The following FRRS1 variants were observed in gnomAD, a reference collection of about 807,000 sequenced individuals.
The protein encoded by FRRS1 is ferric chelate reductase 1, also known as ferric reductase 1.
A neutral mutation model predicts 70.7 loss-of-function variants in FRRS1; 51 were observed. That is an observed-to-expected ratio of 0.72 (90% CI 0.58 to 0.91). The LOEUF (loss-of-function observed/expected upper bound fraction) is 0.91. FRRS1 is among the 40% of genes least tolerant of loss of function. The pLI, the probability that FRRS1 is intolerant of heterozygous loss-of-function variation, is 0.00. For missense variants in FRRS1, 672 were observed against 726.0 expected, an observed-to-expected ratio of 0.93 and a Z score of 0.86; for synonymous variants, 225 against 238.7, an observed-to-expected ratio of 0.94 and a Z score of 0.53.
intron 6 of FRRS1, among the ~76,000 whole-genome samples, chr1:99,738,866 T>C (rs981944798): frequency 6.6e-6 from 1 of 151,990 alleles, no homozygotes; most frequent in Non-Finnish European, 1.5e-5. Context: ...GGGGGAGAAA[T>C]AAGCAACAAT....
chr1:99,734,785 G>A (rs1274914912), intron 7 of FRRS1, among the ~76,000 whole-genome samples: 1 of 152,066 alleles, frequency 6.6e-6, no homozygotes, highest in African/African-American at 2.4e-5. Context: ...AGACATCAGG[G>A]GGCATAATAA....
intron 1 of FRRS1, among the ~76,000 whole-genome samples, chr1:99,758,720 C>CA (rs1656965789): frequency 6.6e-6 from 1 of 151,728 alleles, no homozygotes; most frequent in East Asian, 1.9e-4. Flanking sequence ...CGGGGTTGGG[C>CA]AAAAAAAGCC....
At chr1:99,721,888 C>T (rs185144070) in intron 9 of FRRS1, among the ~76,000 whole-genome samples, 254 of 152,222 alleles carry the variant, frequency 1.7e-3, no homozygotes, top group Non-Finnish European at 2.6e-3. Context: ...TGAGCAACCA[C>T]GCCCGGTCGA....
chr1:99,743,855 C>T (rs1001432804), intron 4 of FRRS1, among the ~76,000 whole-genome samples: 17 of 152,078 alleles, frequency 1.1e-4, no homozygotes, highest in African/African-American at 4.1e-4. Flanking sequence ...CAGCTTTTAT[C>T]GTGTTTTGTG....
In FRRS1 at chr1:99,748,629, G is replaced by A. The variant is rs1364863481; in HGVS notation, c.140C>T (p.Pro47Leu). ...CTGACTCACGTAAATGTCATGAACA[G>A]GAACAGACTGTGGACTATGACCATG... The part of the protein sequence containing the change: ...PEHGHSPQSV[P>L]VHDIYVSQMT... Residue 47 changes from proline (P) to leucine (L), a missense_variant, in exon 3 of 17, where the codon CCT becomes CTT. Coordinates refer to ENST00000646001, the MANE Select transcript of FRRS1 (RefSeq NM_001361041.2). 4.3e-6 allele frequency: 7 copies of A among 1,613,910 alleles called. No homozygotes were observed. In the African/African-American group the frequency reaches 8.0e-5, roughly 18 times the overall value.
chr1:99,726,414 G>T (rs1009285887), intron 9 of FRRS1, among the ~76,000 whole-genome samples: 1 of 152,082 alleles, frequency 6.6e-6, no homozygotes, highest in Admixed American at 6.6e-5. Context: ...ATTATAGAAA[G>T]GATACAACTT....
intron 2 of FRRS1, 63 bp from the exon 3 acceptor site, chr1:99,748,831 C>T (rs1046098397): frequency 2.4e-6 from 3 of 1,231,096 alleles, no homozygotes; most frequent in East Asian, 2.4e-5. Context: ...AGCTTTTACA[C>T]AACTGGACCA....
intron 5 of FRRS1, among the ~76,000 whole-genome samples, chr1:99,741,547 TC>T (rs1364674759): frequency 6.6e-6 from 1 of 152,168 alleles, no homozygotes; most frequent in African/African-American, 2.4e-5. Context: ...ACATTCCATT[TC>T]CCCTTGTATG....
Position 99,708,628 on chromosome 1 carries a change from ATATATATATATATAT to A in FRRS1, c.*385_*399del, listed in dbSNP as rs1654125485. 1.4e-4 allele frequency: 5 copies of A among 35,230 alleles called. No homozygotes were observed. The highest frequency in any genetic ancestry group is 4.2e-4 in the African/African-American group (4 of 9,412). 2.2% of individuals were successfully genotyped at this position (35,230 alleles called of 1,614,324 possible). A position where few individuals can be genotyped will look rare whatever the true frequency, so the allele number is the denominator to read the frequency against. ...AAAAAAAAAAAAAAAAAAAAAAAAT[ATATATATATATATAT>A]ATATATATATATATATATATCGTAA... On this transcript the variant is annotated 3_prime_UTR_variant, in exon 17 of 17. Transcript: ENST00000646001.
chr1:99,730,579 C>A (rs1379359145), intron 7 of FRRS1, among the ~76,000 whole-genome samples: 1 of 151,968 alleles, frequency 6.6e-6, no homozygotes, highest in Non-Finnish European at 1.5e-5. Flanking sequence ...TAAAAATCAG[C>A]CAAGCGGGCC....
intron 4 of FRRS1, among the ~76,000 whole-genome samples, chr1:99,744,075 A>AAAAAAAAAG (rs1553173617): frequency 6.7e-6 from 1 of 150,206 alleles, no homozygotes; most frequent in African/African-American, 2.5e-5. Flanking sequence ...AAAAAAAAAA[A>AAAAAAAAAG]AAAGAAAGAA....
At chr1:99,722,048 T>C (rs1459160452) in intron 9 of FRRS1, among the ~76,000 whole-genome samples, 2 of 151,582 alleles carry the variant, frequency 1.3e-5, no homozygotes, top group African/African-American at 4.8e-5. Flanking sequence ...CTCACTCTGT[T>C]GTCCAGGCTG....
At chr1:99,729,553 G>A (rs1168190254) in intron 8 of FRRS1, 97 bp downstream of exon 8, 1 of 725,650 alleles carries the variant, frequency 1.4e-6, no homozygotes, top group South Asian at 1.7e-5. Flanking sequence ...GGAACTGTGG[G>A]GGTTGGAGGC....
intron 9 of FRRS1, among the ~76,000 whole-genome samples, chr1:99,722,245 A>G (rs554709431): frequency 7.2e-4 from 109 of 152,002 alleles, no homozygotes; most frequent in African/African-American, 2.5e-3. Flanking sequence ...CTGGGCTCAA[A>G]TGATCTGCCC....
At chr1:99,722,267 T>C (rs914826470) in intron 9 of FRRS1, among the ~76,000 whole-genome samples, 1 of 152,044 alleles carries the variant, frequency 6.6e-6, no homozygotes, top group Non-Finnish European at 1.5e-5. Flanking sequence ...TCTCGGTCTC[T>C]CAAAGTGCTT....
rs1296110022 is a variant in FRRS1, at chr1:99,708,343, T to C, written c.*685A>G. 6.6e-6 allele frequency among the ~76,000 whole-genome samples: 1 copy of C among 152,018 alleles called. No homozygotes were observed. Among genetic ancestry groups the C allele is most frequent in the Non-Finnish European group, 1.5e-5 (1 of 68,016 alleles). On this transcript the variant is annotated 3_prime_UTR_variant, in exon 17 of 17. Coordinates refer to ENST00000646001, the MANE Select transcript of FRRS1 (RefSeq NM_001361041.2). ...GGCTGGGCGTGGTGGCTCACGCCTG[T>C]AATCCCAGCACTTTGGGAAGCTGAG...
intron 1 of FRRS1, among the ~76,000 whole-genome samples, chr1:99,764,449 A>G (rs1557713013): frequency 6.6e-6 from 1 of 152,152 alleles, no homozygotes; most frequent in Admixed American, 6.5e-5. Context: ...TACATGTAAG[A>G]CTGTACAGAA....
chr1:99,763,329 A>G (rs1162709666), intron 1 of FRRS1, among the ~76,000 whole-genome samples: 1 of 152,114 alleles, frequency 6.6e-6, no homozygotes, highest in African/African-American at 2.4e-5. Flanking sequence ...ATAAAAATAA[A>G]TGTTACACTG....
At chr1:99,733,864 A>T (rs111242682) in intron 7 of FRRS1, among the ~76,000 whole-genome samples, 12 of 152,322 alleles carry the variant, frequency 7.9e-5, no homozygotes, top group African/African-American at 2.9e-4. Flanking sequence ...ATCATCCCAC[A>T]TATTACTTAT....
Sources: gnomAD v4.1 joint callset for allele counts (sites outside exome capture counted in the v4.1 genomes callset) on GRCh38, gnomAD v4.1.1 for gene constraint, MANE v1.5 for transcripts, NCBI Gene and HGNC (gene_info 2026-07-23, HGNC 2026-07-21) for gene names.